PCDHGB4: variants seen among roughly 807,000 people sequenced by gnomAD.
The protein encoded by PCDHGB4 is protocadherin gamma subfamily B, 4, also known as protocadherin gamma-B4.
Under a neutral mutation model 60.5 loss-of-function variants are expected in PCDHGB4, and 38 were observed. That is an observed-to-expected ratio of 0.63 (90% CI 0.48 to 0.82). The LOEUF is 0.82. Ranked by LOEUF, PCDHGB4 falls within the 40% of genes least tolerant of loss-of-function variation. PCDHGB4 has a pLI of 0.00. For synonymous variants in PCDHGB4, 456 were observed against 509.7 expected, an observed-to-expected ratio of 0.89 and a Z score of 1.42; for missense variants, 1,109 against 1,209.6, an observed-to-expected ratio of 0.92 and a Z score of 1.23.
intron 1 of PCDHGB4, among the ~76,000 whole-genome samples, chr5:141,450,561 A>G (rs1381887193): frequency 6.6e-6 from 1 of 151,856 alleles, no homozygotes; most frequent in Admixed American, 6.6e-5. Flanking sequence ...GTCTCGGCTC[A>G]CTGCAACTTC....
intron 1 of PCDHGB4, among the ~76,000 whole-genome samples, chr5:141,444,312 C>G (rs2098431691): frequency 6.6e-6 from 1 of 151,856 alleles, no homozygotes; most frequent in Non-Finnish European, 1.5e-5. Flanking sequence ...GCTAGGATTA[C>G]AGGCATGTGC....
At chr5:141,508,830 C>G (rs1320903059) in intron 3 of PCDHGB4, among the ~76,000 whole-genome samples, 2 of 152,150 alleles carry the variant, frequency 1.3e-5, no homozygotes, top group Non-Finnish European at 2.9e-5. Flanking sequence ...CTGGGCCCCC[C>G]TCCCCTACCC....
intron 1 of PCDHGB4, chr5:141,413,569 G>A: frequency 1.2e-6 from 2 of 1,613,846 alleles, no homozygotes; most frequent in Non-Finnish European, 1.7e-6. Context: ...TGATATCAAT[G>A]ACAATGCTCC....
chr5:141,484,000 G>C (rs1425172275), intron 1 of PCDHGB4, among the ~76,000 whole-genome samples: 1 of 147,812 alleles, frequency 6.8e-6, no homozygotes, highest in Admixed American at 6.8e-5. Context: ...TGGGAGGTCT[G>C]GATGAGGGTG....
intron 1 of PCDHGB4, among the ~76,000 whole-genome samples, chr5:141,468,247 C>T (rs925455907): frequency 6.7e-6 from 1 of 149,930 alleles, no homozygotes; most frequent in Non-Finnish European, 1.5e-5. Flanking sequence ...ATTGCCTGAA[C>T]CTGGGAGGCA....
At position 141,489,369 on chromosome 5, in the gene PCDHGB4, G is replaced by T; in HGVS notation, c.2398-5438G>T. ...TGGTGGAGGAGTCTGAGCCGGGGAC[G>T]CTGGTGGGGAATGTTGCTCAGGATC... On this transcript the variant is annotated intron_variant, in intron 1 of 3. Coordinates refer to ENST00000519479, the MANE Select transcript of PCDHGB4 (RefSeq NM_003736.4). This position sits in a 1 kb window ranked among gnomAD's most constrained non-coding sequence, Gnocchi z 4.5. 6.2e-7 allele frequency: 1 copy of T among 1,613,592 alleles called. No homozygotes were observed.
chr5:141,403,083 T>C lies in PCDHGB4; in HGVS notation c.2397+12802T>C, dbSNP rs775664314. 7 of 1,613,932 alleles carry C rather than the reference T, an allele frequency of 4.3e-6. No individual in the cohort carries two copies. The highest frequency in any genetic ancestry group is 2.7e-5 in the African/African-American group (2 of 74,948). ...CCTGAAGAGACAGAAAAGGGCTATATTGTGGGCAACATCTCCAAGGACCTG... is the reference window on the plus strand; with the variant it reads ...CCTGAAGAGACAGAAAAGGGCTATACTGTGGGCAACATCTCCAAGGACCTG... On this transcript the variant is annotated intron_variant, in intron 1 of 3. Transcript: ENST00000519479.
At chr5:141,399,194 C>G in intron 1 of PCDHGB4, 1 of 1,613,838 alleles carries the variant, frequency 6.2e-7, no homozygotes, top group Non-Finnish European at 8.5e-7. Context: ...CTGGAAAACG[C>G]GGTGCCTGGA....
chr5:141,509,825 C>A (rs1057042581), intron 3 of PCDHGB4, among the ~76,000 whole-genome samples: 18 of 152,222 alleles, frequency 1.2e-4, no homozygotes, highest in African/African-American at 1.2e-4. Context: ...TCTCCATCTT[C>A]TCTCTACCTC....
intron 1 of PCDHGB4, among the ~76,000 whole-genome samples, chr5:141,444,714 CTTGGTGCCT>C (rs2098445168): frequency 6.6e-6 from 1 of 152,122 alleles, no homozygotes; most frequent in Non-Finnish European, 1.5e-5. Context: ...GTTGAATTTG[CTTGGTGCCT>C]TTGTTGAAAG....
Position 141,491,454 on chromosome 5 carries a change from C to T in PCDHGB4, c.2398-3353C>T. The T allele has an allele frequency of 1.9e-6, 3 of 1,614,120 alleles. No individual in the cohort carries two copies. The highest frequency in any genetic ancestry group is 2.5e-6 in the Non-Finnish European group (3 of 1,180,032). On this transcript the variant is annotated intron_variant, in intron 1 of 3. Coordinates refer to ENST00000519479, the MANE Select transcript of PCDHGB4 (RefSeq NM_003736.4). This position sits in a 1 kb window ranked among gnomAD's most constrained non-coding sequence, Gnocchi z 6.9. ...GCTGCAGGCGCCAGGACTCACCCTCCCCGGACTTCTATAAGCAGTCCAGCC... is the reference window on the plus strand; with the variant it reads ...GCTGCAGGCGCCAGGACTCACCCTCTCCGGACTTCTATAAGCAGTCCAGCC...
intron 1 of PCDHGB4, chr5:141,403,598 G>T: frequency 6.2e-7 from 1 of 1,613,820 alleles, no homozygotes; most frequent in Non-Finnish European, 8.5e-7. Context: ...CACGGCCTCG[G>T]ATGGCGGCGA....
At chr5:141,478,598 A>C in intron 1 of PCDHGB4, 1 of 1,566,350 alleles carries the variant, frequency 6.4e-7, no homozygotes, top group South Asian at 1.2e-5. Flanking sequence ...TTATTCCTAC[A>C]TCATATTGAG....
intron 1 of PCDHGB4, chr5:141,400,041 G>T (rs1354740714): frequency 1.2e-6 from 2 of 1,613,566 alleles, no homozygotes; most frequent in South Asian, 2.2e-5. Context: ...GCCAGCGCCT[G>T]CTGGTTGCTG....
intron 1 of PCDHGB4, among the ~76,000 whole-genome samples, 197 bp from the exon 2 acceptor site, chr5:141,494,610 T>C (rs1428159953): frequency 6.6e-6 from 1 of 152,152 alleles, no homozygotes; most frequent in Non-Finnish European, 1.5e-5. Flanking sequence ...GATTTATCTC[T>C]TGGTTTCTGG....
At position 141,477,868 on chromosome 5, in the gene PCDHGB4, C is replaced by G; in HGVS notation, c.2398-16939C>G. Reference sequence around the variant, plus strand: ...CGGTGGAGATGCTGCCTCGAGGTACCTCAGCTGGCCACCTAGTGTCACGGG... The same window carrying G: ...CGGTGGAGATGCTGCCTCGAGGTACGTCAGCTGGCCACCTAGTGTCACGGG... On this transcript the variant is annotated intron_variant, in intron 1 of 3. Coordinates refer to ENST00000519479, the MANE Select transcript of PCDHGB4 (RefSeq NM_003736.4). The surrounding 1 kb of genome is among the most constrained non-coding windows in gnomAD (Gnocchi z 4.9). 1 of 1,613,750 alleles carries G rather than the reference C, an allele frequency of 6.2e-7. No individual in the cohort carries two copies. Among genetic ancestry groups the G allele is most frequent in the Non-Finnish European group, 8.5e-7 (1 of 1,179,908 alleles).
At chr5:141,456,336 G>A (rs2098850873) in intron 1 of PCDHGB4, among the ~76,000 whole-genome samples, 1 of 152,242 alleles carries the variant, frequency 6.6e-6, no homozygotes, top group Non-Finnish European at 1.5e-5. Context: ...TGATCTAAGG[G>A]TCCTCGGAAG....
At chr5:141,438,334 A>G (rs756299924) in intron 1 of PCDHGB4, among the ~76,000 whole-genome samples, 6 of 151,946 alleles carry the variant, frequency 3.9e-5, no homozygotes, top group Non-Finnish European at 7.4e-5. Context: ...TATACATGTC[A>G]TATAAGGATC....
At chr5:141,492,189 G>C (rs2099737936) in intron 1 of PCDHGB4, among the ~76,000 whole-genome samples, 1 of 152,204 alleles carries the variant, frequency 6.6e-6, no homozygotes, top group Non-Finnish European at 1.5e-5. Context: ...GCACCTGTCT[G>C]CGGGACTTAG....
Sources: gnomAD v4.1 joint callset for allele counts (sites outside exome capture counted in the v4.1 genomes callset) on GRCh38, gnomAD v4.1.1 for gene constraint, Gnocchi (gnomAD v3.1) non-coding constraint, MANE v1.5 for transcripts, NCBI Gene and HGNC (gene_info 2026-07-23, HGNC 2026-07-21) for gene names.